Variants in KCNAB1 observed in about 807,000 individuals in gnomAD.
KCNAB1 encodes potassium voltage-gated channel subfamily A regulatory beta subunit 1, also known as voltage-gated potassium channel subunit beta-1.
KCNAB1 carries 35 observed loss-of-function variants against 64.6 expected under a neutral mutation model. The ratio of observed to expected loss-of-function variants is 0.54; its 90% CI spans 0.41 to 0.72. KCNAB1 has a LOEUF of 0.72. Among genes scored for constraint, KCNAB1 ranks in the 30% least tolerant of loss-of-function variants. The pLI, the probability that KCNAB1 is intolerant of heterozygous loss-of-function variation, is 0.00. For synonymous variants in KCNAB1, 177 were observed against 183.8 expected (o/e 0.96, Z 0.30); for missense variants, 401 against 512.9 (o/e 0.78, Z 2.11).
chr3:156,481,173 A>G (rs1488256004), intron 8 of KCNAB1, among the ~76,000 whole-genome samples: 1 of 151,946 alleles, frequency 6.6e-6, no homozygotes, highest in Non-Finnish European at 1.5e-5. Flanking sequence ...TATCTAAATG[A>G]GCAGAAATGA....
In KCNAB1 at chr3:156,537,206, T is replaced by C; in HGVS notation, c.*459T>C. ...ATTTTTCTTAGTAAATAGATTATTGTTAAGTAAATAGTTATTAAAAATATA... is the reference window on the plus strand; with the variant it reads ...ATTTTTCTTAGTAAATAGATTATTGCTAAGTAAATAGTTATTAAAAATATA... On this transcript the variant is annotated 3_prime_UTR_variant, in exon 14 of 14. Transcript: ENST00000490337. 1 of 395,196 alleles carries C rather than the reference T, an allele frequency of 2.5e-6. No homozygotes were observed. 24.5% of individuals were successfully genotyped at this position (395,196 alleles called of 1,614,324 possible).
intron 1 of KCNAB1, among the ~76,000 whole-genome samples, chr3:156,145,870 A>G (rs956684393): frequency 1.3e-5 from 2 of 152,170 alleles, no homozygotes; most frequent in Non-Finnish European, 2.9e-5. Context: ...CTTTAGGTGA[A>G]ACATATAAAT....
At chr3:156,464,484 A>AT (rs1559897963) in intron 6 of KCNAB1, among the ~76,000 whole-genome samples, 10 of 121,916 alleles carry the variant, frequency 8.2e-5, no homozygotes, top group Non-Finnish European at 1.5e-4. Context: ...AAATCGCAAA[A>AT]AAATAATAAT....
chr3:156,269,314 G>T (rs1420710059), intron 1 of KCNAB1, among the ~76,000 whole-genome samples: 2 of 152,018 alleles, frequency 1.3e-5, no homozygotes, highest in African/African-American at 4.8e-5. Context: ...TCCTCTTGTT[G>T]TTGACTTCTA....
At chr3:156,170,653 A>G (rs1711907784) in intron 1 of KCNAB1, among the ~76,000 whole-genome samples, 1 of 152,202 alleles carries the variant, frequency 6.6e-6, no homozygotes, top group Admixed American at 6.5e-5. Flanking sequence ...CATGGGTTAC[A>G]TATAATAATA....
Position 156,209,420 on chromosome 3 carries a change from T to C in KCNAB1, c.275+88534T>C, listed in dbSNP as rs144144806. Among the ~76,000 whole-genome samples the C allele has an allele frequency of 2.8e-3, 423 of 152,376 alleles. 3 individuals carry two copies. Among genetic ancestry groups the C allele is most frequent in the African/African-American group, 9.4e-3 (391 of 41,590 alleles). ...GGTCATGAAAGGGCTCCTGCCTATG[T>C]ACAATGCTTACCTTAATTAATAAGC... On this transcript the variant is annotated intron_variant, in intron 1 of 13. Transcript: ENST00000490337.
intron 1 of KCNAB1, among the ~76,000 whole-genome samples, chr3:156,179,846 G>T (rs1168389899): frequency 6.6e-6 from 1 of 152,122 alleles, no homozygotes; most frequent in Non-Finnish European, 1.5e-5. Flanking sequence ...TTTCTTTCTT[G>T]ACCATAGTTA....
chr3:156,207,227 TAGG>T (rs1025545544), intron 1 of KCNAB1, among the ~76,000 whole-genome samples: 3 of 152,070 alleles, frequency 2.0e-5, no homozygotes, highest in Non-Finnish European at 4.4e-5. Flanking sequence ...GAGTAGTGGG[TAGG>T]AGTAGTGGGT....
At chr3:156,351,218 T>A (rs1724837576) in intron 1 of KCNAB1, among the ~76,000 whole-genome samples, 1 of 152,256 alleles carries the variant, frequency 6.6e-6, no homozygotes, top group South Asian at 2.1e-4. Flanking sequence ...TCACGCTGAA[T>A]CCATCAGGGC....
intron 1 of KCNAB1, among the ~76,000 whole-genome samples, chr3:156,283,372 G>T (rs1332703593): frequency 6.6e-6 from 1 of 150,822 alleles, no homozygotes; most frequent in African/African-American, 2.5e-5. Context: ...AGGGTAACCC[G>T]ACCCTTCTCT....
At chr3:156,384,373 TA>T (rs976055796) in intron 1 of KCNAB1, among the ~76,000 whole-genome samples, 4 of 152,330 alleles carry the variant, frequency 2.6e-5, no homozygotes, top group African/African-American at 4.8e-5. Context: ...AGCCCGATAG[TA>T]AAGAATGATT....
chr3:156,509,062 G>C (rs1363747040), intron 8 of KCNAB1, among the ~76,000 whole-genome samples: 1 of 151,964 alleles, frequency 6.6e-6, no homozygotes, highest in Non-Finnish European at 1.5e-5. Flanking sequence ...CTGATTCATG[G>C]TGGTGGAGTG....
Position 156,367,320 on chromosome 3 carries a change from C to T in KCNAB1, c.276-54296C>T, listed in dbSNP as rs551670279. Among the ~76,000 whole-genome samples, 76 of 151,402 alleles carry T rather than the reference C, an allele frequency of 5.0e-4. No homozygotes were observed. In the East Asian group the frequency reaches 9.9e-3, roughly 20 times the overall value. Reference sequence around the variant, plus strand: ...CTTCCCAAGTAGCTGAGACTACAGGCGCTGGCCACTACGCCCAGCTAATTT... The same window carrying T: ...CTTCCCAAGTAGCTGAGACTACAGGTGCTGGCCACTACGCCCAGCTAATTT... On this transcript the variant is annotated intron_variant, in intron 1 of 13. Transcript: ENST00000490337.
intron 1 of KCNAB1, among the ~76,000 whole-genome samples, chr3:156,153,435 A>T (rs1440222658): frequency 6.6e-6 from 1 of 152,160 alleles, no homozygotes. Flanking sequence ...CATTTACTTC[A>T]ATCATTCATT....
chr3:156,520,839 G>A (rs1306919534), intron 11 of KCNAB1, among the ~76,000 whole-genome samples: 3 of 152,126 alleles, frequency 2.0e-5, no homozygotes, highest in Non-Finnish European at 2.9e-5. Flanking sequence ...AATAGTCAAC[G>A]ATCTTGGTTG....
chr3:156,402,415 G>A lies in KCNAB1; in HGVS notation c.276-19201G>A, dbSNP rs16826098. Reference sequence around the variant, plus strand: ...CTTTTGGCCTACCAGTGTTTTCATCGAAAATGTCTTAGGGAATTTTAATGT... The same window carrying A: ...CTTTTGGCCTACCAGTGTTTTCATCAAAAATGTCTTAGGGAATTTTAATGT... On this transcript the variant is annotated intron_variant, in intron 1 of 13. Coordinates refer to ENST00000490337, the MANE Select transcript of KCNAB1 (RefSeq NM_172160.3). Among the ~76,000 whole-genome samples the A allele has an allele frequency of 9.3e-3, 1,420 of 152,208 alleles. 26 individuals carry two copies. The highest frequency in any genetic ancestry group is 0.033 in the African/African-American group (1,361 of 41,524).
At position 156,452,101 on chromosome 3, in the gene KCNAB1, T is replaced by A. The variant is rs1181623118; in HGVS notation, c.320-798T>A. The stretch of plus-strand genomic sequence containing the variant: ...TGTAATTAGGAATCAAAAGAATTCA[T>A]TCCCTCCTTTAGGAAGGGAAAGGAA... On this transcript the variant is annotated intron_variant, in intron 2 of 13. Transcript: ENST00000490337. The surrounding 1 kb of genome is among the most constrained non-coding windows in gnomAD (Gnocchi z 4.6). Among the ~76,000 whole-genome samples the A allele has an allele frequency of 6.6e-6, 1 of 152,194 alleles. No homozygotes were observed. Among genetic ancestry groups the A allele is most frequent in the Non-Finnish European group, 1.5e-5 (1 of 68,020 alleles).
chr3:156,298,045 T>C (rs1720914470), intron 1 of KCNAB1, among the ~76,000 whole-genome samples: 1 of 152,238 alleles, frequency 6.6e-6, no homozygotes, highest in Admixed American at 6.5e-5. Context: ...CTTTCCTCTC[T>C]GCCTTAAAGT....
At position 156,398,537 on chromosome 3, in the gene KCNAB1, G is replaced by C. The variant is rs1028708267; in HGVS notation, c.276-23079G>C. On this transcript the variant is annotated intron_variant, in intron 1 of 13. Transcript: ENST00000490337. ...AACCCCGGGGGGCGGAGCCTGCAGT[G>C]AGCCGAGATCACGCCACTGCACTCC... 4.7e-4 allele frequency among the ~76,000 whole-genome samples: 70 copies of C among 147,926 alleles called. 1 individual carries two copies. The highest frequency in any genetic ancestry group is 7.1e-3 in the Middle Eastern group (2 of 282).
Sources: allele counts gnomAD v4.1 joint callset (sites outside exome capture counted in the v4.1 genomes callset), GRCh38; gene constraint gnomAD v4.1.1; non-coding constraint Gnocchi (gnomAD v3.1); transcripts MANE v1.5; gene names NCBI Gene and HGNC (gene_info 2026-07-23, HGNC 2026-07-21).